The following TNFRSF21 variants were observed in gnomAD, a reference collection of about 807,000 sequenced individuals.
TNFRSF21 encodes TNF receptor superfamily member 21.
In TNFRSF21, 19 loss-of-function variants were observed where a neutral mutation model predicts 45.6. The observed-to-expected ratio is 0.42, with a 90% confidence interval of 0.29 to 0.61. TNFRSF21 has a LOEUF of 0.61. Ranked by LOEUF, TNFRSF21 falls within the 20% of genes least tolerant of loss-of-function variation. The probability of loss-of-function intolerance (pLI) is 0.23; values close to 1 mark genes in which losing one functional copy is unlikely to be tolerated. For missense variants in TNFRSF21, 737 were observed against 851.5 expected (o/e 0.87, Z 1.67); for synonymous variants, 314 against 335.5 (o/e 0.94, Z 0.70).
Position 47,283,926 on chromosome 6 carries a change from G to A in TNFRSF21, c.1243+12C>T, listed in dbSNP as rs747734086. 4 of 1,607,708 alleles carry A rather than the reference G, an allele frequency of 2.5e-6. No homozygotes were observed. In the Admixed American group the frequency reaches 5.0e-5, roughly 20 times the overall value. ...GAGATCTGTGAGCAAGGAGAGAAGA[G>A]AGAAGGCTCACCATGGCCATTGCAG... is the stretch of plus-strand genomic sequence containing the variant. On this transcript the variant is annotated intron_variant, in intron 3 of 5. Coordinates refer to ENST00000296861, the MANE Select transcript of TNFRSF21 (RefSeq NM_014452.5).
intron 1 of TNFRSF21, among the ~76,000 whole-genome samples, chr6:47,299,681 A>T (rs1762839929): frequency 1.3e-5 from 2 of 152,198 alleles, no homozygotes; most frequent in Admixed American, 1.3e-4. Context: ...CCTATGGATA[A>T]ATGTTTGATA....
rs34093099 is a variant in TNFRSF21 at position 47,232,624 on chromosome 6, AACACACACACACACACAC to A, written c.*123_*140del. ...CAAGCACTGGCCATATTCTCTGTTA[AACACACACACACACACAC>A]ACACACACACACACACAAACACACA... On this transcript the variant is annotated 3_prime_UTR_variant, in exon 6 of 6. Transcript: ENST00000296861. 6 of 563,206 alleles carry A rather than the reference AACACACACACACACACAC, an allele frequency of 1.1e-5. No homozygotes were observed. Among genetic ancestry groups the A allele is most frequent in the African/African-American group, 2.0e-5 (1 of 50,150 alleles). 34.9% of individuals were successfully genotyped at this position (563,206 alleles called of 1,614,324 possible). A position where few individuals can be genotyped will look rare whatever the true frequency, so the allele number is the denominator to read the frequency against.
At chr6:47,305,949 C>A (rs1489180240) in intron 1 of TNFRSF21, among the ~76,000 whole-genome samples, 2 of 152,136 alleles carry the variant, frequency 1.3e-5, no homozygotes, top group East Asian at 1.9e-4. Flanking sequence ...CTGGCACAAA[C>A]CTAAAGCTCT....
At chr6:47,265,536 T>C (rs780643405) in intron 3 of TNFRSF21, among the ~76,000 whole-genome samples, 1 of 152,220 alleles carries the variant, frequency 6.6e-6, no homozygotes, top group Non-Finnish European at 1.5e-5. Context: ...TGCTACTTCC[T>C]AGCTATGTGA....
At chr6:47,279,725 A>G (rs1181114759) in intron 3 of TNFRSF21, among the ~76,000 whole-genome samples, 2 of 152,202 alleles carry the variant, frequency 1.3e-5, no homozygotes, top group Non-Finnish European at 2.9e-5. Context: ...AGTATTAACA[A>G]TATTCTTATC....
intron 3 of TNFRSF21, among the ~76,000 whole-genome samples, chr6:47,259,588 T>A (rs1321043724): frequency 1.3e-5 from 2 of 152,230 alleles, no homozygotes; most frequent in Non-Finnish European, 2.9e-5. Flanking sequence ...TTGGCCAGAC[T>A]GGTCTTGAAC....
chr6:47,233,563 T>C (rs1273160091), intron 5 of TNFRSF21, among the ~76,000 whole-genome samples: 1 of 151,966 alleles, frequency 6.6e-6, no homozygotes, highest in Non-Finnish European at 1.5e-5. Context: ...AAATATGATT[T>C]CTTCTCAGGT....
intron 3 of TNFRSF21, among the ~76,000 whole-genome samples, chr6:47,276,013 G>A (rs1167110582): frequency 1.3e-5 from 2 of 152,128 alleles, no homozygotes; most frequent in Non-Finnish European, 2.9e-5. Flanking sequence ...ATCAAAATCT[G>A]GTGGCCCTTC....
At chr6:47,289,079 T>C (rs1762685870) in intron 1 of TNFRSF21, among the ~76,000 whole-genome samples, 1 of 152,232 alleles carries the variant, frequency 6.6e-6, no homozygotes, top group Non-Finnish European at 1.5e-5. Context: ...AAAGTTTTTC[T>C]GCATTAATGA....
chr6:47,305,754 T>C (rs1762932437), intron 1 of TNFRSF21, among the ~76,000 whole-genome samples: 2 of 152,236 alleles, frequency 1.3e-5, no homozygotes, highest in South Asian at 4.1e-4. Flanking sequence ...GAATTCATAA[T>C]GCTTGCAAAA....
intron 4 of TNFRSF21, among the ~76,000 whole-genome samples, chr6:47,250,877 C>T (rs1764891987): frequency 6.6e-6 from 1 of 152,154 alleles, no homozygotes; most frequent in Admixed American, 6.5e-5. Context: ...TTTTGAGCAC[C>T]AACATAATGC....
rs1762653111 is a variant in TNFRSF21 at position 47,286,574 on chromosome 6, T to C, written c.118A>G (p.Thr40Ala). Residue 40 changes from threonine (T) to alanine (A), a missense_variant, in exon 2 of 6, where the codon ACA becomes GCA. Physicochemically the swap from Thr to Ala is moderately conservative, Grantham distance 58. Coordinates refer to ENST00000296861, the MANE Select transcript of TNFRSF21 (RefSeq NM_014452.5). ...LLLLGFLSTT[T>A]AQPEQKASNL... ...GAGGCCTTCTGTTCTGGCTGAGCTG[T>C]GGTGGTGCTAAGGAATCCAAGCTGA... 1 of 1,607,290 alleles carries C rather than the reference T, an allele frequency of 6.2e-7. No individual in the cohort carries two copies.
At chr6:47,279,679 T>C (rs919755837) in intron 3 of TNFRSF21, among the ~76,000 whole-genome samples, 5 of 152,126 alleles carry the variant, frequency 3.3e-5, no homozygotes, top group African/African-American at 9.7e-5. Flanking sequence ...CAAAAAGAAA[T>C]ACATTTTCAG....
intron 3 of TNFRSF21, among the ~76,000 whole-genome samples, chr6:47,276,871 C>T (rs1414115848): frequency 2.6e-5 from 4 of 152,214 alleles, no homozygotes; most frequent in African/African-American, 9.6e-5. Flanking sequence ...GCACTGCCTA[C>T]ATGTGTAAAT....
intron 4 of TNFRSF21, among the ~76,000 whole-genome samples, chr6:47,241,586 C>T (rs1033952167): frequency 2.6e-5 from 4 of 151,796 alleles, no homozygotes; most frequent in South Asian, 2.1e-4. Flanking sequence ...AGAAAGTCTT[C>T]GAAATGGGAA....
chr6:47,253,139 T>C (rs1189282009), intron 4 of TNFRSF21, 117 bp downstream of exon 4: 5 of 1,247,420 alleles, frequency 4.0e-6, no homozygotes, highest in Non-Finnish European at 3.3e-6. Flanking sequence ...TGCGTGTGTG[T>C]GTGTGTGTGC....
chr6:47,284,734 C>G (rs1208106826), intron 2 of TNFRSF21, among the ~76,000 whole-genome samples: 1 of 152,212 alleles, frequency 6.6e-6, no homozygotes, highest in African/African-American at 2.4e-5. Flanking sequence ...TGAGCAGGCA[C>G]ATATATGTGC....
chr6:47,279,859 A>G (rs1281521002), intron 3 of TNFRSF21, among the ~76,000 whole-genome samples: 2 of 152,192 alleles, frequency 1.3e-5, no homozygotes, highest in African/African-American at 4.8e-5. Context: ...ACATATACCA[A>G]CATTTACCAA....
chr6:47,236,500 T>G (rs1390367103), intron 4 of TNFRSF21, among the ~76,000 whole-genome samples: 1 of 152,220 alleles, frequency 6.6e-6, no homozygotes, highest in African/African-American at 2.4e-5. Flanking sequence ...TTTACAAATT[T>G]TAAGGCCTGA....
Sources: gnomAD v4.1 joint callset for allele counts (sites outside exome capture counted in the v4.1 genomes callset) on GRCh38, gnomAD v4.1.1 for gene constraint, MANE v1.5 for transcripts, NCBI Gene and HGNC (gene_info 2026-07-23, HGNC 2026-07-21) for gene names.